PRRX1: variants seen among roughly 807,000 people sequenced by gnomAD.
PRRX1 encodes paired related homeobox 1, also known as paired mesoderm homeobox protein 1.
In PRRX1, 8 loss-of-function variants were observed where a neutral mutation model predicts 24.0. The ratio of observed to expected loss-of-function variants is 0.33; its 90% CI spans 0.20 to 0.60. The LOEUF is 0.60. Ranked by LOEUF, PRRX1 falls within the 20% of genes least tolerant of loss-of-function variation. PRRX1 has a pLI of 0.82. For synonymous variants in PRRX1, 160 were observed against 131.7 expected (o/e 1.22, Z -1.47); for missense variants, 281 against 322.4 (o/e 0.87, Z 0.98).
chr1:170,704,669 A>G (rs1054004628), intron 1 of PRRX1, among the ~76,000 whole-genome samples: 3 of 152,190 alleles, frequency 2.0e-5, no homozygotes, highest in African/African-American at 7.2e-5. Context: ...TCTTGGAGAA[A>G]CTCAACTTCA....
chr1:170,725,253 A>C (rs930582734), intron 2 of PRRX1, among the ~76,000 whole-genome samples: 1 of 152,114 alleles, frequency 6.6e-6, no homozygotes, highest in African/African-American at 2.4e-5. Flanking sequence ...TATGTAGCAA[A>C]CCTGCACATC....
chr1:170,687,218 G>T (rs1381270157), intron 1 of PRRX1, among the ~76,000 whole-genome samples: 1 of 152,050 alleles, frequency 6.6e-6, no homozygotes, highest in Admixed American at 6.6e-5. Flanking sequence ...CCCCATTTGT[G>T]AAGGCTGGTT....
chr1:170,704,260 A>G (rs927208844), intron 1 of PRRX1, among the ~76,000 whole-genome samples: 2 of 152,254 alleles, frequency 1.3e-5, no homozygotes, highest in African/African-American at 2.4e-5. Flanking sequence ...AAAGGCCTAT[A>G]TAAACGCAAC....
intron 1 of PRRX1, among the ~76,000 whole-genome samples, chr1:170,706,935 T>C (rs967379326): frequency 1.3e-5 from 2 of 151,350 alleles, no homozygotes; most frequent in African/African-American, 4.9e-5. Context: ...TCAAGACTAG[T>C]CTTGGCAACA....
chr1:170,684,126 G>A (rs1056962669), intron 1 of PRRX1, among the ~76,000 whole-genome samples: 2 of 152,140 alleles, frequency 1.3e-5, no homozygotes, highest in African/African-American at 4.8e-5. Context: ...TAACATATCT[G>A]CTCCTGGGGT....
chr1:170,699,441 G>A (rs1289692513), intron 1 of PRRX1, among the ~76,000 whole-genome samples: 1 of 151,892 alleles, frequency 6.6e-6, no homozygotes, highest in Non-Finnish European at 1.5e-5. Flanking sequence ...ATGAGCTCTA[G>A]TTTGCACACA....
chr1:170,665,443 T>C (rs1446854454), intron 1 of PRRX1, among the ~76,000 whole-genome samples: 2 of 152,206 alleles, frequency 1.3e-5, no homozygotes, highest in African/African-American at 4.8e-5. Flanking sequence ...TGTGGCCAGA[T>C]ATGTACAGAT....
intron 1 of PRRX1, 141 bp downstream of exon 1, chr1:170,664,600 G>C (rs897038568): frequency 9.8e-6 from 13 of 1,331,640 alleles, no homozygotes; most frequent in Non-Finnish European, 1.2e-5. Flanking sequence ...CAAAGGAAGG[G>C]CCAGTCACAG....
intron 1 of PRRX1, among the ~76,000 whole-genome samples, chr1:170,676,120 T>C (rs375940142): frequency 1.3e-5 from 2 of 152,266 alleles, no homozygotes; most frequent in East Asian, 3.9e-4. Flanking sequence ...AAATATAATT[T>C]AGTTAATTAA....
Position 170,710,755 on chromosome 1 carries a change from C to T in PRRX1, c.242-8971C>T, listed in dbSNP as rs78172866. Among the ~76,000 whole-genome samples the T allele has an allele frequency of 9.3e-3, 1,416 of 152,318 alleles. 33 individuals carry two copies. The highest frequency in any genetic ancestry group is 0.032 in the African/African-American group (1,327 of 41,560). On this transcript the variant is annotated intron_variant, in intron 1 of 3. Transcript: ENST00000239461. The stretch of plus-strand genomic sequence containing the variant: ...TTATAAGAAGAGACCAGGAAGCTTG[C>T]TCTCTTTTGCTCTCTCTGCCATATG...
intron 1 of PRRX1, among the ~76,000 whole-genome samples, chr1:170,682,778 C>T (rs751347776): frequency 6.6e-6 from 1 of 152,118 alleles, no homozygotes; most frequent in African/African-American, 2.4e-5. Flanking sequence ...AATGAACACA[C>T]ACCTAGATAA....
chr1:170,699,831 G>T (rs2101903671), intron 1 of PRRX1, among the ~76,000 whole-genome samples: 1 of 152,178 alleles, frequency 6.6e-6, no homozygotes, highest in South Asian at 2.1e-4. Flanking sequence ...CCCCTCCTGG[G>T]TTCAAGTGAT....
rs3820416 is a variant in PRRX1 at position 170,738,534 on chromosome 1, T to C, written c.*2348T>C. ...CATCCATTTGTCCCATTAGTTGCTG[T>C]GGATTATCAAGTTTTGAAGGAACTG... On this transcript the variant is annotated 3_prime_UTR_variant, in exon 4 of 4. Transcript: ENST00000239461. The C allele has an allele frequency of 0.24, 54,888 of 228,306 alleles. 7,958 individuals carry two copies. The highest frequency in any genetic ancestry group is 0.39 in the Middle Eastern group (298 of 756). 14.1% of individuals were successfully genotyped at this position (228,306 alleles called of 1,614,324 possible).
In PRRX1 at chr1:170,718,332, G is replaced by A. The variant is rs140462831; in HGVS notation, c.242-1394G>A. Among the ~76,000 whole-genome samples the A allele has an allele frequency of 3.3e-5, 5 of 152,338 alleles. No homozygotes were observed. The East Asian group carries it at 9.6e-4, about 29-fold the overall frequency. On this transcript the variant is annotated intron_variant, in intron 1 of 3. Coordinates refer to ENST00000239461, the MANE Select transcript of PRRX1 (RefSeq NM_022716.4). The stretch of plus-strand genomic sequence containing the variant: ...AGCAAAAGACTTAGAGGCCTCAGTT[G>A]TCAGGCCTCTGGATTTAAGCTACAT...
intron 3 of PRRX1, among the ~76,000 whole-genome samples, chr1:170,733,597 C>T (rs1344360043): frequency 6.6e-6 from 1 of 152,128 alleles, no homozygotes; most frequent in Non-Finnish European, 1.5e-5. Flanking sequence ...ACAGACAACT[C>T]CTAATTCCAG....
chr1:170,689,483 C>T (rs1008237057), intron 1 of PRRX1, among the ~76,000 whole-genome samples: 3 of 152,078 alleles, frequency 2.0e-5, no homozygotes, highest in African/African-American at 4.8e-5. Flanking sequence ...GTCCATGGGG[C>T]TGCAACAATT....
At chr1:170,675,919 T>C (rs1653306041) in intron 1 of PRRX1, among the ~76,000 whole-genome samples, 1 of 152,146 alleles carries the variant, frequency 6.6e-6, no homozygotes, top group African/African-American at 2.4e-5. Flanking sequence ...AACACCATTT[T>C]TGAAAACTAA....
intron 1 of PRRX1, among the ~76,000 whole-genome samples, chr1:170,666,926 T>G (rs1436466868): frequency 6.6e-6 from 1 of 151,940 alleles, no homozygotes; most frequent in Non-Finnish European, 1.5e-5. Flanking sequence ...GAGGCTGCCC[T>G]GGACTGGGGA....
At chr1:170,705,935 T>TACACACACACACACACACACACAC (rs71125270) in intron 1 of PRRX1, among the ~76,000 whole-genome samples, 5 of 146,412 alleles carry the variant, frequency 3.4e-5, no homozygotes, top group East Asian at 4.1e-4. Context: ...CACACACACA[T>TACACACACACACACACACACACAC]ACACACACAC....
Sources: allele counts gnomAD v4.1 joint callset (sites outside exome capture counted in the v4.1 genomes callset), GRCh38; gene constraint gnomAD v4.1.1; transcripts MANE v1.5; gene names NCBI Gene and HGNC (gene_info 2026-07-23, HGNC 2026-07-21).